The following CHSY1 variants were observed in gnomAD, a reference collection of about 807,000 sequenced individuals.
CHSY1 encodes the protein chondroitin sulfate synthase 1, also known as N-acetylgalactosaminyl-proteoglycan 3-beta-glucuronosyltransferase 1.
A neutral mutation model predicts 59.8 loss-of-function variants in CHSY1; 13 were observed. The ratio of observed to expected loss-of-function variants is 0.22; its 90% confidence interval spans 0.14 to 0.35. The LOEUF (loss-of-function observed/expected upper bound fraction) is 0.35. Among genes scored for constraint, CHSY1 ranks in the 10% least tolerant of loss-of-function variants. The probability of loss-of-function intolerance (pLI) is 1.00; values close to 1 mark genes in which losing one functional copy is unlikely to be tolerated. For missense variants in CHSY1, 947 were observed against 1,030.6 expected (o/e 0.92, Z 1.11); for synonymous variants, 459 against 401.2 (o/e 1.14, Z -1.72).
chr15:101,232,022 A>G (rs1399123508), intron 2 of CHSY1, among the ~76,000 whole-genome samples: 2 of 152,164 alleles, frequency 1.3e-5, no homozygotes, highest in Admixed American at 6.5e-5. Context: ...AAAGTTCTCA[A>G]GGCTATTTTT....
At chr15:101,202,852 G>GA (rs904442436) in intron 2 of CHSY1, among the ~76,000 whole-genome samples, 2 of 151,956 alleles carry the variant, frequency 1.3e-5, no homozygotes, top group South Asian at 2.1e-4. Context: ...AATCAAACAA[G>GA]AAAAAAAATA....
intron 2 of CHSY1, among the ~76,000 whole-genome samples, chr15:101,219,212 C>T (rs1281418130): frequency 6.6e-6 from 1 of 152,178 alleles, no homozygotes; most frequent in Non-Finnish European, 1.5e-5. Context: ...ATTACAAAGG[C>T]TTAACTGAAT....
In CHSY1 at chr15:101,178,824, A is replaced by G. The variant is rs765848875; in HGVS notation, c.973T>C (p.Ser325Pro). 1.9e-6 allele frequency: 3 copies of G among 1,613,958 alleles called. No homozygotes were observed. The highest frequency in any genetic ancestry group is 2.5e-6 in the Non-Finnish European group (3 of 1,180,034). ...TGTATTGTGCGATGGCGGAGCTCGGATATCTTGCGGCTCAGCATGTAGCTG... is the reference window on the plus strand; with the variant it reads ...TGTATTGTGCGATGGCGGAGCTCGGGTATCTTGCGGCTCAGCATGTAGCTG... ...LHSYMLSRKI[S>P]ELRHRTIQLH... is the part of the protein sequence containing the mutation. Residue 325 changes from serine to proline, a missense_variant, in exon 3 of 3, where the codon TCC becomes CCC. Physicochemically the swap from Ser to Pro is moderately conservative, Grantham distance 74. Transcript: ENST00000254190.
In CHSY1 at chr15:101,205,164, G is replaced by A. The variant is rs569819111; in HGVS notation, c.817-26184C>T. On this transcript the variant is annotated intron_variant, in intron 2 of 2. Coordinates refer to ENST00000254190, the MANE Select transcript of CHSY1 (RefSeq NM_014918.5). ...TTATCTTTTTTTTTCTTTTTTTAAA[G>A]TAATCAACATGGCAATACCTCATAT... Among the ~76,000 whole-genome samples the A allele has an allele frequency of 2.6e-5, 4 of 151,442 alleles. No individual in the cohort carries two copies. The East Asian group carries it at 7.7e-4, about 29-fold the overall frequency.
At chr15:101,209,113 A>T (rs1464388894) in intron 2 of CHSY1, among the ~76,000 whole-genome samples, 1 of 152,212 alleles carries the variant, frequency 6.6e-6, no homozygotes, top group East Asian at 1.9e-4. Flanking sequence ...ACAGTGGAGA[A>T]ACCTGGCCAG....
intron 2 of CHSY1, among the ~76,000 whole-genome samples, chr15:101,180,347 G>A (rs773230348): frequency 2.0e-5 from 3 of 152,162 alleles, no homozygotes; most frequent in African/African-American, 2.4e-5. Flanking sequence ...AAGTGCCGCC[G>A]CTGTTTCCAA....
chr15:101,188,025 T>C (rs913224996), intron 2 of CHSY1: 11 of 985,358 alleles, frequency 1.1e-5, no homozygotes, highest in Non-Finnish European at 1.2e-5. Flanking sequence ...ATGTCCTTCT[T>C]GTCCGCTGCA....
In CHSY1 at chr15:101,179,660, G is replaced by A. The variant is rs374863038; in HGVS notation, c.817-680C>T. 8.2e-3 allele frequency among the ~76,000 whole-genome samples: 1,253 copies of A among 152,350 alleles called. 10 individuals carry two copies. Among genetic ancestry groups the A allele is most frequent in the Non-Finnish European group, 0.012 (842 of 68,030 alleles). ...CCAGGTCTTCTGTGGAGGCAGGAGC[G>A]GGCCTGCTTGCTCAGCACGGGGTCT... On this transcript the variant is annotated intron_variant, in intron 2 of 2. Coordinates refer to ENST00000254190, the MANE Select transcript of CHSY1 (RefSeq NM_014918.5).
At chr15:101,221,734 C>T (rs1164682824) in intron 2 of CHSY1, among the ~76,000 whole-genome samples, 1 of 152,094 alleles carries the variant, frequency 6.6e-6, no homozygotes, top group Non-Finnish European at 1.5e-5. Flanking sequence ...ACCAGTGTAC[C>T]TGTTCCAGGA....
At chr15:101,215,774 A>G (rs538113224) in intron 2 of CHSY1, among the ~76,000 whole-genome samples, 1 of 152,318 alleles carries the variant, frequency 6.6e-6, no homozygotes, top group South Asian at 2.1e-4. Context: ...TGAATGAACA[A>G]TTCATGTACA....
chr15:101,181,409 A>G (rs907866830), intron 2 of CHSY1, among the ~76,000 whole-genome samples: 1 of 152,260 alleles, frequency 6.6e-6, no homozygotes, highest in Non-Finnish European at 1.5e-5. Flanking sequence ...ACGAAGAACC[A>G]TAATATCGTT....
intron 2 of CHSY1, among the ~76,000 whole-genome samples, chr15:101,186,356 C>T (rs891057406): frequency 4.1e-5 from 6 of 146,060 alleles, no homozygotes; most frequent in Admixed American, 6.8e-5. Context: ...ATAAATAAAA[C>T]GTATAGTCAC....
In CHSY1 at chr15:101,247,211, CT is replaced by C. The variant is rs1171738937; in HGVS notation, c.320+3925del. Among the ~76,000 whole-genome samples the C allele has an allele frequency of 7.9e-5, 12 of 152,196 alleles. No individual in the cohort carries two copies. The East Asian group carries it at 1.9e-3, about 24-fold the overall frequency. On this transcript the variant is annotated intron_variant, in intron 1 of 2. Coordinates refer to ENST00000254190, the MANE Select transcript of CHSY1 (RefSeq NM_014918.5). The stretch of plus-strand genomic sequence containing the variant: ...TTTACTGGCCTTCTTGGCTTTCTTT[CT>C]TTTACTGGCCTTCTTGGTGTTCCTT...
At chr15:101,193,396 G>C (rs543088721) in intron 2 of CHSY1, among the ~76,000 whole-genome samples, 3 of 152,322 alleles carry the variant, frequency 2.0e-5, no homozygotes, top group Admixed American at 2.0e-4. Flanking sequence ...TTTCCAGAGG[G>C]AATCAACCTT....
chr15:101,179,078 G>T, intron 2 of CHSY1, 98 bp from the exon 3 acceptor site: 1 of 1,211,142 alleles, frequency 8.3e-7, no homozygotes, highest in Non-Finnish European at 1.2e-6. Flanking sequence ...GTTTCTGAAT[G>T]GACCACAGCA....
intron 2 of CHSY1, among the ~76,000 whole-genome samples, chr15:101,206,041 T>C (rs909429702): frequency 3.9e-5 from 6 of 152,188 alleles, no homozygotes; most frequent in African/African-American, 1.4e-4. Flanking sequence ...CTATAGACAG[T>C]AATACGCTCC....
intron 2 of CHSY1, among the ~76,000 whole-genome samples, chr15:101,214,660 A>AAGGTTTAGCACCTCCCCTT (rs1227357721): frequency 6.7e-6 from 1 of 149,786 alleles, no homozygotes; most frequent in East Asian, 2.0e-4. Flanking sequence ...TCTCATGCAT[A>AAGGTTTAGCACCTCCCCTT]GGTGGGAGGT....
At chr15:101,212,314 GTATT>G (rs1421032548) in intron 2 of CHSY1, among the ~76,000 whole-genome samples, 1 of 151,970 alleles carries the variant, frequency 6.6e-6, no homozygotes, top group East Asian at 1.9e-4. Context: ...CCACTTCTAG[GTATT>G]TATTCAAAAA....
intron 2 of CHSY1, among the ~76,000 whole-genome samples, chr15:101,229,793 G>C (rs1833428415): frequency 6.6e-6 from 1 of 151,906 alleles, no homozygotes; most frequent in Non-Finnish European, 1.5e-5. Context: ...TGTAATCCCA[G>C]GTACTCAGGA....
Sources: gnomAD v4.1 joint callset for allele counts (sites outside exome capture counted in the v4.1 genomes callset) on GRCh38, gnomAD v4.1.1 for gene constraint, MANE v1.5 for transcripts, NCBI Gene and HGNC (gene_info 2026-07-23, HGNC 2026-07-21) for gene names.